The following LYST variants were observed in gnomAD, a reference collection of about 807,000 sequenced individuals.
The protein encoded by LYST is lysosomal trafficking regulator.
In LYST, 192 loss-of-function variants were observed where a neutral mutation model predicts 413.6. The observed-to-expected ratio is 0.46, with a 90% CI of 0.41 to 0.52. LYST has a LOEUF of 0.52. Among genes scored for constraint, LYST ranks in the 20% least tolerant of loss-of-function variants. The pLI is 0.00. For missense variants in LYST, 3,815 were observed against 4,499.9 expected (o/e 0.85, Z 4.35); for synonymous variants, 1,525 against 1,567.3 (o/e 0.97, Z 0.64).
At chr1:235,670,793 A>AG (rs1192339462) in intron 50 of LYST, among the ~76,000 whole-genome samples, 2 of 152,136 alleles carry the variant, frequency 1.3e-5, no homozygotes, top group Non-Finnish European at 2.9e-5. Flanking sequence ...TCCAGTGGGG[A>AG]GGGGGGTTAA....
chr1:235,708,789 T>C (rs1662186066), intron 44 of LYST, among the ~76,000 whole-genome samples: 1 of 152,188 alleles, frequency 6.6e-6, no homozygotes, highest in Non-Finnish European at 1.5e-5. Flanking sequence ...CCCATGCTGA[T>C]TCTACTTTGT....
chr1:235,742,548 G>C (rs1665524225), intron 30 of LYST, among the ~76,000 whole-genome samples: 1 of 148,832 alleles, frequency 6.7e-6, no homozygotes, highest in African/African-American at 2.5e-5. Context: ...CCTTAAAAAT[G>C]GTTAAAATGG....
chr1:235,858,391 A>G (rs1348949223), intron 1 of LYST, among the ~76,000 whole-genome samples: 1 of 78,730 alleles, frequency 1.3e-5, no homozygotes, highest in Non-Finnish European at 3.4e-5. Flanking sequence ...AGTTTTTATT[A>G]ATATTAATAT....
At chr1:235,768,047 G>A (rs1206758318) in intron 20 of LYST, among the ~76,000 whole-genome samples, 1 of 152,040 alleles carries the variant, frequency 6.6e-6, no homozygotes, top group African/African-American at 2.4e-5. Context: ...CTCCTGAGGT[G>A]TAAACCTCAG....
At chr1:235,796,127 G>C (rs1671535499) in intron 10 of LYST, among the ~76,000 whole-genome samples, 3 of 151,968 alleles carry the variant, frequency 2.0e-5, no homozygotes. Flanking sequence ...GGAGGCTCAA[G>C]ATAACAATTA....
At chr1:235,846,881 T>C (rs1168844593) in intron 1 of LYST, among the ~76,000 whole-genome samples, 1 of 151,960 alleles carries the variant, frequency 6.6e-6, no homozygotes, top group African/African-American at 2.4e-5. Flanking sequence ...TGGGATTATG[T>C]TAAATGACCA....
intron 31 of LYST, chr1:235,737,949 C>T (rs996795190): frequency 7.2e-6 from 9 of 1,251,256 alleles, no homozygotes; most frequent in East Asian, 3.3e-5. Context: ...CCCCAACACC[C>T]GCCGGACGTG....
At chr1:235,851,909 A>C (rs914491212) in intron 1 of LYST, among the ~76,000 whole-genome samples, 1 of 152,196 alleles carries the variant, frequency 6.6e-6, no homozygotes, top group Admixed American at 6.5e-5. Context: ...ATGGTTTCAC[A>C]AACTGAAATC....
At chr1:235,697,346 T>C in intron 45 of LYST, 74 bp from the exon 46 acceptor site, 1 of 1,103,846 alleles carries the variant, frequency 9.1e-7, no homozygotes, top group East Asian at 2.5e-5. Context: ...ATTTAAGCTC[T>C]AAACAAAGTA....
intron 47 of LYST, among the ~76,000 whole-genome samples, chr1:235,690,698 T>C (rs994600763): frequency 1.3e-5 from 2 of 152,148 alleles, no homozygotes; most frequent in African/African-American, 2.4e-5. Context: ...CCTAAGTAGC[T>C]TCCTCCATTT....
rs192635240 is a variant in LYST, at chr1:235,878,472, C to T, written n.454+4715G>A. Among the ~76,000 whole-genome samples, 77 of 152,280 alleles carry T rather than the reference C, an allele frequency of 5.1e-4. 2 individuals carry two copies. Among genetic ancestry groups the T allele is most frequent in the Admixed American group, 4.3e-3 (66 of 15,294 alleles). ...TCCCTAATAGTCAGATACTAGCAAC[C>T]TGAAGTAAAAATAATGACGGCCGCC... On this transcript the variant is annotated intron_variant and non_coding_transcript_variant, in intron 1 of 11. Transcript: ENST00000465349.
At chr1:235,872,295 CAAAAAAA>C (rs3077214) in intron 1 of LYST, among the ~76,000 whole-genome samples, 15 of 107,666 alleles carry the variant, frequency 1.4e-4, no homozygotes, top group Admixed American at 1.9e-4. Context: ...CATTCTGTCT[CAAAAAAA>C]AAAAAAAAAA....
chr1:235,847,214 C>T (rs1439921398), intron 1 of LYST, among the ~76,000 whole-genome samples: 1 of 152,236 alleles, frequency 6.6e-6, no homozygotes, highest in East Asian at 1.9e-4. Flanking sequence ...GGGATTGGGG[C>T]CCTAACTTCA....
intron 45 of LYST, among the ~76,000 whole-genome samples, chr1:235,700,374 C>G (rs758654833): frequency 2.0e-5 from 3 of 151,548 alleles, no homozygotes; most frequent in African/African-American, 4.8e-5. Context: ...GGAACTGGTA[C>G]AAATTTACAA....
chr1:235,687,158 T>A, intron 47 of LYST, 111 bp from the exon 48 acceptor site: 1 of 766,982 alleles, frequency 1.3e-6, no homozygotes, highest in South Asian at 1.6e-5. Context: ...TGACAACTAT[T>A]TTTTTTAACT....
intron 2 of LYST, among the ~76,000 whole-genome samples, chr1:235,830,934 G>A (rs191643398): frequency 5.3e-5 from 8 of 152,152 alleles, no homozygotes; most frequent in East Asian, 1.9e-4. Flanking sequence ...CTAAAGTTAC[G>A]CCACTTCACT....
At chr1:235,796,762 C>T (rs1003937117) in intron 10 of LYST, among the ~76,000 whole-genome samples, 5 of 152,184 alleles carry the variant, frequency 3.3e-5, no homozygotes, top group African/African-American at 1.2e-4. Context: ...GCACTTTGAT[C>T]TTGGACTTTC....
chr1:235,690,550 T>A (rs1660565104), intron 47 of LYST, among the ~76,000 whole-genome samples: 1 of 152,194 alleles, frequency 6.6e-6, no homozygotes, highest in East Asian at 1.9e-4. Flanking sequence ...GTAAAGTTGT[T>A]TTTCACTGTC....
intron 46 of LYST, among the ~76,000 whole-genome samples, chr1:235,696,253 TG>T (rs1661092823): frequency 6.6e-6 from 1 of 152,256 alleles, no homozygotes; most frequent in Admixed American, 6.5e-5. Flanking sequence ...ATGTTTTCTC[TG>T]GGTGCTGGCA....
Sources: allele counts gnomAD v4.1 joint callset (sites outside exome capture counted in the v4.1 genomes callset), GRCh38; gene constraint gnomAD v4.1.1; transcripts MANE v1.5; gene names NCBI Gene and HGNC (gene_info 2026-07-23, HGNC 2026-07-21).